The following APBA1 variants were observed in gnomAD, a reference collection of about 807,000 sequenced individuals.
APBA1 encodes the protein amyloid-beta A4 precursor protein-binding family A member 1.
A neutral mutation model predicts 86.6 loss-of-function variants in APBA1; 55 were observed. The observed-to-expected ratio is 0.64, with a 90% confidence interval of 0.51 to 0.80. The LOEUF (loss-of-function observed/expected upper bound fraction) is 0.80. Among genes scored for constraint, APBA1 ranks in the 30% least tolerant of loss-of-function variants. The pLI is 0.00. For synonymous variants in APBA1, 511 were observed against 493.9 expected (o/e 1.03, Z -0.46); for missense variants, 1,090 against 1,183.0 (o/e 0.92, Z 1.15).
intron 1 of APBA1, among the ~76,000 whole-genome samples, chr9:69,606,969 C>T (rs1822489169): frequency 6.6e-6 from 1 of 152,104 alleles, no homozygotes. Flanking sequence ...AAAATACAAT[C>T]ATATTGTCCC....
At chr9:69,654,112 C>CAA (rs34666773) in intron 1 of APBA1, among the ~76,000 whole-genome samples, 93 of 59,862 alleles carry the variant, frequency 1.6e-3, no homozygotes, top group Middle Eastern at 0.019. Flanking sequence ...AACTCCATCT[C>CAA]AAAAAAAAAA....
At position 69,516,091 on chromosome 9, in the gene APBA1, G is replaced by A. The variant is rs1423555549; in HGVS notation, c.1120C>T (p.Pro374Ser). Residue 374 changes from proline to serine, a missense_variant, in exon 2 of 13, where the codon CCC (proline) becomes TCC (serine). Coordinates refer to ENST00000265381, the MANE Select transcript of APBA1 (RefSeq NM_001163.4). This position sits in a 1 kb window ranked among gnomAD's most constrained non-coding sequence, Gnocchi z 7.3. Reference sequence around the variant, plus strand: ...CGCATGACCCAGATGGGCTCTTTGGGCTCGTCGGGGGTGTAAGGCGAACGG... The same window carrying A: ...CGCATGACCCAGATGGGCTCTTTGGACTCGTCGGGGGTGTAAGGCGAACGG... Reference protein sequence around the residue: ...TIRSPYTPDEPKEPIWVMRQD... With the variant: ...TIRSPYTPDESKEPIWVMRQD... 2.5e-6 allele frequency: 4 copies of A among 1,613,136 alleles called. No individual in the cohort carries two copies. The highest frequency in any genetic ancestry group is 3.4e-6 in the Non-Finnish European group (4 of 1,179,506).
intron 11 of APBA1, among the ~76,000 whole-genome samples, chr9:69,439,675 T>G (rs1330169561): frequency 6.6e-6 from 1 of 152,222 alleles, no homozygotes; most frequent in Non-Finnish European, 1.5e-5. Context: ...ATTCTAGTTA[T>G]CCATTCGTCT....
At chr9:69,640,148 T>C (rs1422317227) in intron 1 of APBA1, among the ~76,000 whole-genome samples, 1 of 152,172 alleles carries the variant, frequency 6.6e-6, no homozygotes, top group Non-Finnish European at 1.5e-5. Context: ...GTAATGCCCA[T>C]CTATTTTGCA....
intron 1 of APBA1, among the ~76,000 whole-genome samples, chr9:69,614,435 T>C (rs1027829332): frequency 6.6e-6 from 1 of 152,218 alleles, no homozygotes; most frequent in African/African-American, 2.4e-5. Context: ...ATGGGTATGT[T>C]ATATATACAA....
At chr9:69,583,514 TC>T (rs1420417662) in intron 1 of APBA1, among the ~76,000 whole-genome samples, 3 of 152,210 alleles carry the variant, frequency 2.0e-5, no homozygotes. Flanking sequence ...CAGACACTGT[TC>T]TTAAGAATTC....
intron 1 of APBA1, among the ~76,000 whole-genome samples, chr9:69,525,096 C>A (rs1331998936): frequency 1.3e-5 from 2 of 152,050 alleles, no homozygotes; most frequent in African/African-American, 2.4e-5. Context: ...ATAATAAGAG[C>A]CATCTATGAC....
At chr9:69,622,631 G>T (rs967401674) in intron 1 of APBA1, among the ~76,000 whole-genome samples, 3 of 152,010 alleles carry the variant, frequency 2.0e-5, no homozygotes, top group Non-Finnish European at 2.9e-5. Flanking sequence ...GAGAAGTAAA[G>T]GAGGCATTTG....
At chr9:69,672,906 G>A (rs1823985057), upstream of APBA1, 2 of 152,248 alleles carry the variant, frequency 1.3e-5, no homozygotes, top group African/African-American at 4.8e-5. Flanking sequence ...CAGCCGCGTC[G>A]ACTCCTGCAG....
chr9:69,456,753 G>A (rs1447240112), intron 7 of APBA1, among the ~76,000 whole-genome samples: 2 of 151,514 alleles, frequency 1.3e-5, no homozygotes, highest in African/African-American at 2.4e-5. Flanking sequence ...GTGCGTGAAT[G>A]TAAGAGATTT....
chr9:69,617,065 T>C (rs1822715401), intron 1 of APBA1, among the ~76,000 whole-genome samples: 1 of 152,118 alleles, frequency 6.6e-6, no homozygotes, highest in South Asian at 2.1e-4. Context: ...AAGACTTCTG[T>C]GAGGACATCT....
Position 69,457,084 on chromosome 9 carries a change from T to C in APBA1, c.1571A>G (p.Gln524Arg), listed in dbSNP as rs1835111767. The C allele has an allele frequency of 4.3e-6, 7 of 1,614,172 alleles. No individual in the cohort carries two copies. The highest frequency in any genetic ancestry group is 1.1e-5 in the South Asian group (1 of 91,086). The change falls in exon 7 of 13, where the codon CAG becomes CGG. Residue 524 changes from glutamine (Q) to arginine (R), a missense_variant. By Grantham distance (43) the Gln-to-Arg change is conservative. This residue lies in a region of APBA1 where 76 missense variants were observed against 122.2 expected (regional missense o/e 0.62). Coordinates refer to ENST00000265381, the MANE Select transcript of APBA1 (RefSeq NM_001163.4). The part of the protein sequence containing the change: ...MTEVDLFIST[Q>R]RIKVLNADTQ... ...GTCGGCGTTCAGCACTTTGATTCTC[T>C]GGGTAGAAATGAAGAGATCCACTTC...
At chr9:69,554,897 A>T (rs1836838900) in intron 1 of APBA1, among the ~76,000 whole-genome samples, 1 of 152,214 alleles carries the variant, frequency 6.6e-6, no homozygotes, top group East Asian at 1.9e-4. Flanking sequence ...CTGCAGAAAG[A>T]TCAGCTCTCT....
chr9:69,543,343 G>C (rs1241318070), intron 1 of APBA1, among the ~76,000 whole-genome samples: 1 of 149,640 alleles, frequency 6.7e-6, no homozygotes, highest in African/African-American at 2.5e-5. Flanking sequence ...TGCTGTTTTG[G>C]TTCCCTACTC....
chr9:69,559,080 C>T (rs1836909169), intron 1 of APBA1, among the ~76,000 whole-genome samples: 1 of 152,050 alleles, frequency 6.6e-6, no homozygotes. Context: ...ACTAATTTAC[C>T]ACTTTCTTTT....
chr9:69,513,140 C>G (rs947100151), intron 2 of APBA1, among the ~76,000 whole-genome samples: 26 of 152,298 alleles, frequency 1.7e-4, no homozygotes, highest in Non-Finnish European at 2.9e-4. Context: ...ACCCAGTGAT[C>G]CATATTGATT....
At chr9:69,580,523 CA>C (rs1388672072) in intron 1 of APBA1, among the ~76,000 whole-genome samples, 2 of 152,094 alleles carry the variant, frequency 1.3e-5, no homozygotes, top group Non-Finnish European at 1.5e-5. Flanking sequence ...TGGCCCGTGT[CA>C]ACAAATCCTA....
At chr9:69,642,462 A>AC (rs1375840269) in intron 1 of APBA1, among the ~76,000 whole-genome samples, 1 of 152,204 alleles carries the variant, frequency 6.6e-6, no homozygotes, top group Non-Finnish European at 1.5e-5. Context: ...CCAAGTGTTG[A>AC]CAAGGATGCA....
chr9:69,449,531 T>G, intron 10 of APBA1, 53 bp downstream of exon 10: 8 of 1,504,168 alleles, frequency 5.3e-6, no homozygotes, highest in Non-Finnish European at 7.4e-6. Context: ...GGGGTCACAC[T>G]TCACATCACT....
Sources: gnomAD v4.1 joint callset for allele counts (sites outside exome capture counted in the v4.1 genomes callset) on GRCh38, gnomAD v4.1.1 for gene constraint, gnomAD v4.1.1 regional missense constraint, Gnocchi (gnomAD v3.1) non-coding constraint, MANE v1.5 for transcripts, NCBI Gene and HGNC (gene_info 2026-07-23, HGNC 2026-07-21) for gene names.